Variants in SLC44A1 observed in about 807,000 individuals in gnomAD.
SLC44A1 encodes choline transporter-like protein 1.
In SLC44A1, 26 loss-of-function variants were observed where a neutral mutation model predicts 79.3. The ratio of observed to expected loss-of-function variants is 0.33; its 90% CI spans 0.24 to 0.46. The LOEUF (loss-of-function observed/expected upper bound fraction) is 0.46. Among genes scored for constraint, SLC44A1 ranks in the 20% least tolerant of loss-of-function variants. The pLI is 1.00. For synonymous variants in SLC44A1, 263 were observed against 286.2 expected, an observed-to-expected ratio of 0.92 and a Z score of 0.82; for missense variants, 688 against 798.1, an observed-to-expected ratio of 0.86 and a Z score of 1.66.
At position 105,394,562 on chromosome 9, in the gene SLC44A1, C is replaced by A. The variant is rs1828838607; in HGVS notation, c.*5506C>A. On this transcript the variant is annotated 3_prime_UTR_variant, in exon 16 of 16. Transcript: ENST00000374720. The stretch of plus-strand genomic sequence containing the variant: ...TAAATAGGGAATCCTTGTAATTAAT[C>A]CATCTACCAAAACACTTGATTCTTT... 1 of 984,826 alleles carries A rather than the reference C, an allele frequency of 1.0e-6. No homozygotes were observed. The highest frequency in any genetic ancestry group is 6.2e-5 in the Admixed American group (1 of 16,208). 61.0% of individuals were successfully genotyped at this position (984,826 alleles called of 1,614,324 possible).
intron 4 of SLC44A1, among the ~76,000 whole-genome samples, chr9:105,348,045 C>T (rs1827292809): frequency 6.6e-6 from 1 of 152,002 alleles, no homozygotes; most frequent in Non-Finnish European, 1.5e-5. Flanking sequence ...ACCTGCCTTA[C>T]AGAATTATAG....
Position 105,392,661 on chromosome 9 carries a change from C to T in SLC44A1, c.*3605C>T, listed in dbSNP as rs989457977. 18 of 985,174 alleles carry T rather than the reference C, an allele frequency of 1.8e-5. No individual in the cohort carries two copies. The East Asian group carries it at 4.5e-4, about 25-fold the overall frequency. 61.0% of individuals were successfully genotyped at this position (985,174 alleles called of 1,614,324 possible). A position where few individuals can be genotyped will look rare whatever the true frequency, so the allele number is the denominator to read the frequency against. ...CTGCAGGCACCACATATGTGTGAGG[C>T]CACATCACTGCCCCTGAGGCTTCAA... On this transcript the variant is annotated 3_prime_UTR_variant, in exon 16 of 16. Coordinates refer to ENST00000374720, the MANE Select transcript of SLC44A1 (RefSeq NM_080546.5).
At position 105,405,047 on chromosome 9, in the gene SLC44A1, C is replaced by T. The variant is rs139297662; in HGVS notation, c.1950+19545C>T. Among the ~76,000 whole-genome samples the T allele has an allele frequency of 2.8e-3, 426 of 152,150 alleles. 2 individuals carry two copies. The highest frequency in any genetic ancestry group is 9.7e-3 in the African/African-American group (402 of 41,512). ...TATAAAAGCTAATGGTGGCTAGGCG[C>T]GGTGGCTCACATCTGTAATCCTAGG... On this transcript the variant is annotated intron_variant, in intron 15 of 15. Coordinates refer to the SLC44A1 transcript ENST00000374724.
intron 4 of SLC44A1, among the ~76,000 whole-genome samples, chr9:105,342,984 A>AT (rs1304944572): frequency 3.4e-5 from 5 of 146,382 alleles, no homozygotes; most frequent in African/African-American, 1.2e-4. Flanking sequence ...CTAAAAAAAA[A>AT]AAAATATATA....
At chr9:105,327,620 T>C (rs1383641263) in intron 3 of SLC44A1, among the ~76,000 whole-genome samples, 2 of 152,202 alleles carry the variant, frequency 1.3e-5, no homozygotes, top group Non-Finnish European at 2.9e-5. Flanking sequence ...CAGCCGTCTA[T>C]GAACCATCCT....
At chr9:105,268,143 A>G (rs116534247) in intron 1 of SLC44A1, among the ~76,000 whole-genome samples, 3,387 of 152,200 alleles carry the variant, frequency 0.022, 127 homozygotes, top group African/African-American at 0.077. Context: ...CAGTTGTCCA[A>G]CTGCACAGAA....
chr9:105,308,122 A>G (rs760312745), intron 2 of SLC44A1, among the ~76,000 whole-genome samples: 4 of 152,218 alleles, frequency 2.6e-5, no homozygotes, highest in Non-Finnish European at 5.9e-5. Context: ...TGAGGCACAG[A>G]ATTAAGTAAG....
chr9:105,429,366 G>A (rs556032099), intron 15 of SLC44A1, among the ~76,000 whole-genome samples: 13 of 152,178 alleles, frequency 8.5e-5, no homozygotes, highest in Admixed American at 6.5e-4. Context: ...GCAGTGGCAC[G>A]ATCACAGCTC....
intron 1 of SLC44A1, among the ~76,000 whole-genome samples, chr9:105,269,853 G>A (rs2131228005): frequency 1.3e-5 from 2 of 152,278 alleles, no homozygotes; most frequent in South Asian, 4.1e-4. Flanking sequence ...TCTAACTTGG[G>A]AGACAGGAGA....
chr9:105,359,280 T>G (rs1014494732), intron 7 of SLC44A1, among the ~76,000 whole-genome samples: 3 of 152,162 alleles, frequency 2.0e-5, no homozygotes, highest in African/African-American at 4.8e-5. Flanking sequence ...TGAAGAAGTC[T>G]TCCTGAATGT....
In SLC44A1 at chr9:105,323,077, G is replaced by A. The variant is rs1005217468; in HGVS notation, c.270-12486G>A. 4.5e-4 allele frequency among the ~76,000 whole-genome samples: 67 copies of A among 150,382 alleles called. 1 individual carries two copies. Among genetic ancestry groups the A allele is most frequent in the African/African-American group, 1.2e-3 (50 of 41,050 alleles). On this transcript the variant is annotated intron_variant, in intron 3 of 15. Transcript: ENST00000374720. ...AAAAAAAAAAAATACACCACCAGGC[G>A]TGGTGGCGGGCACCTGTAATCCCAG...
chr9:105,322,448 C>G (rs938143513), intron 3 of SLC44A1, among the ~76,000 whole-genome samples: 1 of 152,094 alleles, frequency 6.6e-6, no homozygotes, highest in African/African-American at 2.4e-5. Flanking sequence ...AGTTAGCATA[C>G]TAGCCAAATA....
intron 6 of SLC44A1, among the ~76,000 whole-genome samples, chr9:105,356,943 C>A (rs543997665): frequency 5.3e-5 from 8 of 152,090 alleles, no homozygotes; most frequent in African/African-American, 1.9e-4. Context: ...AAGATTAAAA[C>A]TCCCTATATT....
intron 3 of SLC44A1, among the ~76,000 whole-genome samples, chr9:105,326,836 A>T (rs1564439225): frequency 1.3e-5 from 2 of 152,218 alleles, no homozygotes; most frequent in East Asian, 3.9e-4. Flanking sequence ...GCCTGTCCAG[A>T]TTTCTCTGCT....
intron 3 of SLC44A1, among the ~76,000 whole-genome samples, chr9:105,328,655 G>A (rs1239630270): frequency 5.3e-5 from 8 of 152,204 alleles, no homozygotes; most frequent in Non-Finnish European, 1.5e-5. Context: ...ACCAGAAAGG[G>A]CCATGAAAGT....
rs183986449 is a variant in SLC44A1 at position 105,438,197 on chromosome 9, C to T, written c.1951-84C>T. 4 of 1,128,500 alleles carry T rather than the reference C, an allele frequency of 3.5e-6. No individual in the cohort carries two copies. In the Admixed American group the frequency reaches 8.1e-5, roughly 23 times the overall value. The allele number at this position is 1,128,500 out of a possible 1,614,324, so 69.9% of individuals were successfully genotyped here. On this transcript the variant is annotated intron_variant, in intron 15 of 15. Transcript: ENST00000374724. ...AATGTTTTCTTTAAAGACGATCCCA[C>T]ACTATTTCTAGTTATTGATTACTTC...
chr9:105,356,420 G>A (rs774152159), intron 6 of SLC44A1, 39 bp downstream of exon 6: 25 of 1,399,246 alleles, frequency 1.8e-5, no homozygotes, highest in Non-Finnish European at 4.9e-6. Context: ...GCATAGTATT[G>A]CAGAAGAAGA....
chr9:105,331,736 A>G (rs1032640918), intron 3 of SLC44A1, among the ~76,000 whole-genome samples: 8 of 152,242 alleles, frequency 5.3e-5, no homozygotes, highest in Non-Finnish European at 1.2e-4. Flanking sequence ...TTAATAGAGA[A>G]CAGTTAAATT....
intron 13 of SLC44A1, among the ~76,000 whole-genome samples, chr9:105,375,245 G>A (rs1433514177): frequency 6.6e-6 from 1 of 152,130 alleles, no homozygotes; most frequent in South Asian, 2.1e-4. Flanking sequence ...TCCCCATGTC[G>A]GCCAGGCTGG....
Sources: gnomAD v4.1 joint callset for allele counts (sites outside exome capture counted in the v4.1 genomes callset) on GRCh38, gnomAD v4.1.1 for gene constraint, MANE v1.5 for transcripts, NCBI Gene and HGNC (gene_info 2026-07-23, HGNC 2026-07-21) for gene names.